The following ARHGAP27 variants were observed in gnomAD, a reference collection of about 807,000 sequenced individuals.
ARHGAP27 encodes the protein Rho GTPase activating protein 27.
In ARHGAP27, 53 loss-of-function variants were observed where a neutral mutation model predicts 102.0. The observed-to-expected ratio is 0.52, with a 90% CI of 0.42 to 0.65. ARHGAP27 has a LOEUF of 0.65. ARHGAP27 is among the 30% of genes least tolerant of loss of function. ARHGAP27 has a pLI of 0.00. For missense variants in ARHGAP27, 1,117 were observed against 1,256.2 expected (o/e 0.89, Z 1.68); for synonymous variants, 525 against 542.8 (o/e 0.97, Z 0.46).
At chr17:45,407,853 G>A (rs1230102) in intron 4 of ARHGAP27, 44,344 of 152,076 alleles carry the variant, frequency 0.29, 6,962 homozygotes, top group East Asian at 0.55. Flanking sequence ...TACTTCAGGG[G>A]AAAGCAGATT....
chr17:45,414,428 G>A (rs951317190), intron 4 of ARHGAP27, among the ~76,000 whole-genome samples: 13 of 149,502 alleles, frequency 8.7e-5, no homozygotes, highest in African/African-American at 2.9e-4. Flanking sequence ...CAAACTCAAG[G>A]CCTCTCCATG....
In ARHGAP27 at chr17:45,417,825, G is replaced by T. The variant is rs1468474356; in HGVS notation, c.658-11742C>A. 4.6e-5 allele frequency among the ~76,000 whole-genome samples: 7 copies of T among 151,680 alleles called. 1 individual carries two copies. In the South Asian group the frequency reaches 1.5e-3, roughly 31 times the overall value. On this transcript the variant is annotated intron_variant, in intron 4 of 19. Coordinates refer to ENST00000685559, the MANE Select transcript of ARHGAP27 (RefSeq NM_001282290.2). ...TCCCAGCACTTTGGGAGGCGGAGGC[G>T]GGTGGATCACAAGGTCAGGAGATCG...
Position 45,430,442 on chromosome 17 carries a change from G to GAA in ARHGAP27, c.-18-147_-18-146dup. ...CTCAGTTTTCCCATCTCTAAAATGG[G>GAA]AACTTGCATAAAATCACATGTAAGG... On this transcript the variant is annotated intron_variant, in intron 3 of 19. Coordinates refer to ENST00000685559, the MANE Select transcript of ARHGAP27 (RefSeq NM_001282290.2). The surrounding 1 kb of genome is among the most constrained non-coding windows in gnomAD (Gnocchi z 4.4). The GAA allele has an allele frequency of 8.1e-7, 1 of 1,241,700 alleles. No homozygotes were observed. The highest frequency in any genetic ancestry group is 1.1e-6 in the Non-Finnish European group (1 of 924,636). 76.9% of individuals were successfully genotyped at this position (1,241,700 alleles called of 1,614,324 possible). A position where few individuals can be genotyped will look rare whatever the true frequency, so the allele number is the denominator to read the frequency against.
intron 5 of ARHGAP27, 81 bp from the exon 6 acceptor site, chr17:45,405,187 C>A: frequency 1.4e-6 from 2 of 1,440,072 alleles, no homozygotes; most frequent in Non-Finnish European, 9.3e-7. Flanking sequence ...CCAGGCCCAC[C>A]CCCTTGCCTT....
In ARHGAP27 at chr17:45,431,760, G is replaced by C. The variant is rs1188854506; in HGVS notation, c.-150-8C>G. ...GGCTGCGCGGAACAGGAGCTGGCAA[G>C]CAGAGCGAAGAGGGACAGGGACGCT... On this transcript the variant is annotated splice_region_variant and splice_polypyrimidine_tract_variant and intron_variant, in intron 2 of 19. Transcript: ENST00000685559. 1 of 172,438 alleles carries C rather than the reference G, an allele frequency of 5.8e-6. No individual in the cohort carries two copies. Among genetic ancestry groups the C allele is most frequent in the Non-Finnish European group, 1.2e-5 (1 of 80,118 alleles). The allele number at this position is 172,438 out of a possible 1,614,324, so 10.7% of individuals were successfully genotyped here. A position where few individuals can be genotyped will look rare whatever the true frequency, so the allele number is the denominator to read the frequency against.
chr17:45,397,692 C>G (rs898597679), intron 13 of ARHGAP27: 1 of 394,266 alleles, frequency 2.5e-6, no homozygotes, highest in Non-Finnish European at 4.5e-6. Flanking sequence ...TTCTGCCTCC[C>G]GTGAAATGGG....
In ARHGAP27 at chr17:45,396,931, C is replaced by T. The variant is rs1030053633; in HGVS notation, c.1936G>A (p.Ala646Thr). ...TTGCGCACACCTGCATTCGGTCGCG[C>T]GTCCTCCTCTTTCTCCTGCCAGCTT... ...LGSWQEKEEDARPNAAAPALG... is the reference protein window; with the variant it reads ...LGSWQEKEEDTRPNAAAPALG... Residue 646 changes from alanine (A) to threonine (T), a missense_variant, in exon 14 of 20, where the codon GCG (alanine) becomes ACG (threonine). Ala to Thr is a moderately conservative substitution (Grantham distance 58, BLOSUM62 0). This residue lies in a region of ARHGAP27 where 493 missense variants were observed against 505.5 expected (regional missense o/e 0.98). Transcript: ENST00000685559. The T allele has an allele frequency of 1.6e-5, 25 of 1,606,230 alleles. No individual in the cohort carries two copies. The highest frequency in any genetic ancestry group is 2.0e-5 in the Non-Finnish European group (24 of 1,179,974).
At chr17:45,412,161 A>G (rs1338155678) in intron 4 of ARHGAP27, among the ~76,000 whole-genome samples, 8 of 152,214 alleles carry the variant, frequency 5.3e-5, no homozygotes, top group Non-Finnish European at 4.4e-5. Flanking sequence ...AGGGGGCTCC[A>G]GCCCCAAACT....
At chr17:45,398,193 A>G (rs2045972775) in intron 12 of ARHGAP27, 146 bp from the exon 13 acceptor site, 2 of 533,908 alleles carry the variant, frequency 3.7e-6, no homozygotes, top group Admixed American at 3.2e-5. Flanking sequence ...GCCTCACCCC[A>G]GGCTAAGTCT....
At chr17:45,409,992 A>T in intron 4 of ARHGAP27, 1 of 550,022 alleles carries the variant, frequency 1.8e-6, no homozygotes, top group Non-Finnish European at 3.2e-6. Flanking sequence ...GTACTGCCTT[A>T]CAGTGGTTCA....
chr17:45,408,010 A>T (rs1173905342), intron 4 of ARHGAP27: 1 of 152,182 alleles, frequency 6.6e-6, no homozygotes, highest in Non-Finnish European at 1.5e-5. Context: ...AAACTTTTAA[A>T]AATTCACAGA....
At chr17:45,417,316 T>C (rs139789597) in intron 4 of ARHGAP27, among the ~76,000 whole-genome samples, 3,872 of 151,168 alleles carry the variant, frequency 0.026, 156 homozygotes, top group African/African-American at 0.09. Flanking sequence ...ATACAAAAAT[T>C]AGTGGGGCAT....
chr17:45,396,743 C>T lies in ARHGAP27; in HGVS notation c.1999G>A (p.Val667Ile). 1 of 1,613,778 alleles carries T rather than the reference C, an allele frequency of 6.2e-7. No individual in the cohort carries two copies. The highest frequency in any genetic ancestry group is 1.1e-5 in the South Asian group (1 of 91,066). Residue 667 changes from valine (V) to isoleucine (I), a missense_variant, in exon 15 of 20, where the codon GTC becomes ATC. Physicochemically the swap from Val to Ile is conservative, Grantham distance 29. Coordinates refer to ENST00000685559, the MANE Select transcript of ARHGAP27 (RefSeq NM_001282290.2). ...PVGLESDLSK[V>I]RHKLRKFLQR... is the part of the protein sequence containing the mutation. The stretch of plus-strand genomic sequence containing the variant: ...AGGAACTTGCGGAGCTTGTGCCGGA[C>T]CTTGCTCAAGTCGCTCTCCAGGCCC...
chr17:45,423,772 G>A (rs1395190272), intron 4 of ARHGAP27, among the ~76,000 whole-genome samples: 2 of 152,192 alleles, frequency 1.3e-5, no homozygotes, highest in Non-Finnish European at 2.9e-5. Context: ...TATGGTAAAT[G>A]AAAAAGCAGA....
intron 4 of ARHGAP27, among the ~76,000 whole-genome samples, chr17:45,428,995 A>G (rs1295381630): frequency 6.6e-6 from 1 of 152,244 alleles, no homozygotes; most frequent in Non-Finnish European, 1.5e-5. Context: ...TCTTTCTGAA[A>G]CAAACCCATC....
intron 9 of ARHGAP27, 62 bp downstream of exon 9, chr17:45,404,207 G>A: frequency 6.2e-7 from 1 of 1,611,000 alleles, no homozygotes; most frequent in Non-Finnish European, 8.5e-7. Flanking sequence ...CTGGGCCCGT[G>A]TCTCCACTGA....
At chr17:45,415,427 G>T (rs1658353344) in intron 4 of ARHGAP27, among the ~76,000 whole-genome samples, 1 of 152,130 alleles carries the variant, frequency 6.6e-6, no homozygotes, top group Admixed American at 6.6e-5. Flanking sequence ...ACCGCCTTGG[G>T]AGAGCCCAGC....
chr17:45,426,736 C>T (rs1735600995), intron 4 of ARHGAP27, among the ~76,000 whole-genome samples: 1 of 152,126 alleles, frequency 6.6e-6, no homozygotes, highest in South Asian at 2.1e-4. Flanking sequence ...CCCTACACCC[C>T]CTCTGGCCAC....
intron 4 of ARHGAP27, chr17:45,425,654 T>G: frequency 1.0e-6 from 1 of 985,306 alleles, no homozygotes; most frequent in South Asian, 4.7e-5. Flanking sequence ...GGGCTGCTTG[T>G]ATAAGAAGGT....
Sources: gnomAD v4.1 joint callset for allele counts (sites outside exome capture counted in the v4.1 genomes callset) on GRCh38, gnomAD v4.1.1 for gene constraint, gnomAD v4.1.1 regional missense constraint, Gnocchi (gnomAD v3.1) non-coding constraint, MANE v1.5 for transcripts, NCBI Gene and HGNC (gene_info 2026-07-23, HGNC 2026-07-21) for gene names.